Variants in STEAP1B observed in about 807,000 individuals in gnomAD.
STEAP1B encodes STEAP family protein MGC87042.
A neutral mutation model predicts 27.9 loss-of-function variants in STEAP1B; 13 were observed. That is an observed-to-expected ratio of 0.47 (90% CI 0.30 to 0.74). The LOEUF is 0.74. Ranked by LOEUF, STEAP1B falls within the 30% of genes least tolerant of loss-of-function variation. The pLI is 0.06. For synonymous variants in STEAP1B, 86 were observed against 107.1 expected (o/e 0.80, Z 1.22); for missense variants, 250 against 298.7 (o/e 0.84, Z 1.20).
At chr7:22,445,356 C>T (rs1266248245) in intron 4 of STEAP1B, among the ~76,000 whole-genome samples, 1 of 152,268 alleles carries the variant, frequency 6.6e-6, no homozygotes, top group Admixed American at 6.5e-5. Flanking sequence ...AGGGGACTGA[C>T]ATCTGCAACT....
intron 1 of STEAP1B, among the ~76,000 whole-genome samples, chr7:22,498,298 A>T (rs1247781079): frequency 6.6e-6 from 1 of 152,182 alleles, no homozygotes; most frequent in Non-Finnish European, 1.5e-5. Context: ...ACCTCCCACC[A>T]GACCCCAGCT....
chr7:22,480,636 C>T lies in STEAP1B; in HGVS notation c.762+11929G>A, dbSNP rs148194656. On this transcript the variant is annotated intron_variant, in intron 4 of 4. Transcript: ENST00000678116. ...GGCTCCAGGCTGAATTTTCCAGGCA[C>T]ACTGTCTATACCAAACAATTATCCC... 1.9e-3 allele frequency among the ~76,000 whole-genome samples: 284 copies of T among 152,324 alleles called. 1 individual carries two copies. The highest frequency in any genetic ancestry group is 6.6e-3 in the African/African-American group (275 of 41,570).
At chr7:22,478,485 GAATA>G (rs148366088) in intron 4 of STEAP1B, among the ~76,000 whole-genome samples, 3,489 of 152,268 alleles carry the variant, frequency 0.023, 50 homozygotes, top group South Asian at 0.029. Context: ...GCTGTCACAG[GAATA>G]AGTAGTCTCT....
At chr7:22,444,761 C>T (rs1360343587) in intron 4 of STEAP1B, among the ~76,000 whole-genome samples, 2 of 152,192 alleles carry the variant, frequency 1.3e-5, no homozygotes, top group African/African-American at 4.8e-5. Context: ...TGTTGGTTTT[C>T]CCCTGGAGAT....
chr7:22,434,681 C>T (rs115779717), intron 4 of STEAP1B, among the ~76,000 whole-genome samples: 212 of 152,234 alleles, frequency 1.4e-3, no homozygotes, highest in African/African-American at 4.9e-3. Context: ...AGTCCAGAGA[C>T]GGAAAGATAA....
At chr7:22,482,996 C>CT (rs1554287463) in intron 4 of STEAP1B, among the ~76,000 whole-genome samples, 19 of 152,110 alleles carry the variant, frequency 1.2e-4, no homozygotes, top group African/African-American at 4.1e-4. Flanking sequence ...AGATCTGTGC[C>CT]GCCAGCACAT....
At chr7:22,429,318 C>A (rs914944657) in intron 4 of STEAP1B, among the ~76,000 whole-genome samples, 12 of 152,188 alleles carry the variant, frequency 7.9e-5, no homozygotes, top group African/African-American at 2.9e-4. Flanking sequence ...GTACACTCAT[C>A]AAAGGAGATC....
intron 4 of STEAP1B, among the ~76,000 whole-genome samples, chr7:22,435,142 G>A (rs1370839819): frequency 6.6e-6 from 1 of 152,092 alleles, no homozygotes; most frequent in Non-Finnish European, 1.5e-5. Context: ...ACAAGTGAAG[G>A]TTAATCAATT....
intron 4 of STEAP1B, among the ~76,000 whole-genome samples, chr7:22,443,014 G>T (rs1394707624): frequency 6.6e-6 from 1 of 152,204 alleles, no homozygotes; most frequent in African/African-American, 2.4e-5. Flanking sequence ...GGGACAGCCA[G>T]TGTGCTTCAG....
At chr7:22,441,116 A>G (rs1053730214) in intron 4 of STEAP1B, among the ~76,000 whole-genome samples, 2 of 152,150 alleles carry the variant, frequency 1.3e-5, no homozygotes, top group East Asian at 3.9e-4. Flanking sequence ...TAATGTAACT[A>G]TTTATAATTT....
At chr7:22,489,154 C>T (rs369372747) in intron 4 of STEAP1B, among the ~76,000 whole-genome samples, 3 of 152,142 alleles carry the variant, frequency 2.0e-5, no homozygotes, top group Non-Finnish European at 4.4e-5. Flanking sequence ...CACAAAAGAA[C>T]ATAAGACCTA....
At chr7:22,482,229 A>G (rs963577788) in intron 4 of STEAP1B, among the ~76,000 whole-genome samples, 4 of 152,196 alleles carry the variant, frequency 2.6e-5, no homozygotes, top group Non-Finnish European at 4.4e-5. Context: ...GCAGAGCTTG[A>G]GACTGGGCTT....
intron 4 of STEAP1B, among the ~76,000 whole-genome samples, chr7:22,480,093 T>C (rs773810992): frequency 4.6e-5 from 7 of 152,198 alleles, no homozygotes; most frequent in African/African-American, 1.7e-4. Context: ...AGTGTTGTTC[T>C]AGAAAGGAAG....
At chr7:22,434,595 T>C (rs1248931910) in intron 4 of STEAP1B, among the ~76,000 whole-genome samples, 2 of 152,204 alleles carry the variant, frequency 1.3e-5, no homozygotes, top group African/African-American at 4.8e-5. Flanking sequence ...TAAAGAAAAT[T>C]AAATGAGGTT....
In STEAP1B at chr7:22,495,595, G is replaced by A. The variant is rs186107298; in HGVS notation, c.-31-709C>T. On this transcript the variant is annotated intron_variant, in intron 1 of 4. Coordinates refer to ENST00000678116, the MANE Select transcript of STEAP1B (RefSeq NM_001382447.1). Reference sequence around the variant, plus strand: ...CATTTTTTAGGGAAAGAAAACATATGTCACAGTACTATTCATTGTTTTTAT... The same window carrying A: ...CATTTTTTAGGGAAAGAAAACATATATCACAGTACTATTCATTGTTTTTAT... 2.4e-3 allele frequency: 372 copies of A among 152,258 alleles called. 4 individuals are homozygous for A. Among genetic ancestry groups the A allele is most frequent in the African/African-American group, 8.6e-3 (357 of 41,560 alleles). The allele number at this position is 152,258 out of a possible 1,614,324, so 9.4% of individuals were successfully genotyped here. A position where few individuals can be genotyped will look rare whatever the true frequency, so the allele number is the denominator to read the frequency against.
intron 4 of STEAP1B, among the ~76,000 whole-genome samples, chr7:22,424,616 A>G (rs1166927800): frequency 1.3e-5 from 2 of 152,204 alleles, no homozygotes; most frequent in East Asian, 1.9e-4. Flanking sequence ...CCTGAAAAAT[A>G]TCTACCACCT....
At chr7:22,448,775 T>C (rs1346023145) in intron 4 of STEAP1B, among the ~76,000 whole-genome samples, 2 of 152,146 alleles carry the variant, frequency 1.3e-5, no homozygotes, top group Non-Finnish European at 2.9e-5. Context: ...AGAGTACATG[T>C]GGAAGTCTGG....
intron 4 of STEAP1B, among the ~76,000 whole-genome samples, chr7:22,447,168 T>C (rs564841787): frequency 6.6e-6 from 1 of 152,338 alleles, no homozygotes; most frequent in African/African-American, 2.4e-5. Context: ...CAGAGTCACT[T>C]TCTCTTCTGG....
intron 4 of STEAP1B, among the ~76,000 whole-genome samples, chr7:22,456,972 A>ATATATATATATTTTTTTTTTTTTTTTT: frequency 1.8e-5 from 1 of 57,074 alleles, no homozygotes; most frequent in Non-Finnish European, 3.3e-5. Flanking sequence ...ATATATATAT[A>ATATATATATATTTTTTTTTTTTTTTTT]TTTTTTTTTT....
Sources: gnomAD v4.1 joint callset for allele counts (sites outside exome capture counted in the v4.1 genomes callset) on GRCh38, gnomAD v4.1.1 for gene constraint, MANE v1.5 for transcripts, NCBI Gene and HGNC (gene_info 2026-07-23, HGNC 2026-07-21) for gene names.